ABCA13: variants seen among roughly 807,000 people sequenced by gnomAD.
ABCA13 encodes ATP-binding cassette sub-family A member 13.
Under a neutral mutation model 478.7 loss-of-function variants are expected in ABCA13, and 476 were observed. The ratio of observed to expected loss-of-function variants is 0.99; its 90% CI spans 0.92 to 1.07. ABCA13 has a LOEUF of 1.07. ABCA13 is among the 50% of genes least tolerant of loss of function. The pLI is 0.00. For missense variants in ABCA13, 6,060 were observed against 5,910.6 expected, an observed-to-expected ratio of 1.03 and a Z score of -0.83; for synonymous variants, 2,252 against 2,158.9, an observed-to-expected ratio of 1.04 and a Z score of -1.20.
chr7:48,515,173 G>A (rs1208570497), intron 51 of ABCA13, among the ~76,000 whole-genome samples: 1 of 152,148 alleles, frequency 6.6e-6, no homozygotes, highest in Non-Finnish European at 1.5e-5. Context: ...GCACTGAAGT[G>A]TTTCAGGTTA....
At chr7:48,411,672 G>A (rs1384135180) in intron 40 of ABCA13, among the ~76,000 whole-genome samples, 1 of 152,154 alleles carries the variant, frequency 6.6e-6, no homozygotes, top group Non-Finnish European at 1.5e-5. Context: ...GAATACAAGA[G>A]AGTAGTGAGG....
Position 48,245,631 on chromosome 7 carries a change from T to C in ABCA13, c.1491+19T>C, listed in dbSNP as rs1433177477. ...GAAACAGGTAAAGCACAACAAATAA[T>C]TATAAATAAGCATTTTTAATAAAAC... On this transcript the variant is annotated intron_variant, in intron 12 of 61. Transcript: ENST00000435803. The C allele has an allele frequency of 6.3e-7, 1 of 1,589,278 alleles. No homozygotes were observed. Among genetic ancestry groups the C allele is most frequent in the South Asian group, 1.2e-5 (1 of 86,182 alleles).
intron 15 of ABCA13, among the ~76,000 whole-genome samples, chr7:48,253,746 A>G (rs565475456): frequency 6.6e-5 from 10 of 152,292 alleles, no homozygotes; most frequent in Middle Eastern, 3.4e-3. Flanking sequence ...AGCTTCCCAG[A>G]GTGCTGGGAT....
At chr7:48,636,331 C>T (rs955473881) in intron 59 of ABCA13, among the ~76,000 whole-genome samples, 2 of 152,204 alleles carry the variant, frequency 1.3e-5, no homozygotes, top group Non-Finnish European at 2.9e-5. Context: ...CCAGTTAGTA[C>T]TTTCTATGTT....
intron 38 of ABCA13, among the ~76,000 whole-genome samples, chr7:48,394,292 T>G (rs1431164000): frequency 6.6e-6 from 1 of 152,208 alleles, no homozygotes; most frequent in Non-Finnish European, 1.5e-5. Flanking sequence ...CAGCCTCTCT[T>G]GCTTTACCTG....
At chr7:48,521,068 C>CACACATGCAT (rs1554550966) in intron 53 of ABCA13, among the ~76,000 whole-genome samples, 12,747 of 152,128 alleles carry the variant, frequency 0.084, 926 homozygotes, top group African/African-American at 0.2. Flanking sequence ...CATGCATGCA[C>CACACATGCAT]ACACATGCAT....
At chr7:48,215,755 T>C (rs1786360285) in intron 3 of ABCA13, among the ~76,000 whole-genome samples, 1 of 152,174 alleles carries the variant, frequency 6.6e-6, no homozygotes, top group Non-Finnish European at 1.5e-5. Flanking sequence ...TCTCATTTCC[T>C]CCCAATCTCC....
At chr7:48,403,655 G>T in intron 38 of ABCA13, 28 bp from the exon 39 acceptor site, 5 of 1,606,894 alleles carry the variant, frequency 3.1e-6, no homozygotes, top group Non-Finnish European at 4.3e-6. Flanking sequence ...TGTTCAGGGA[G>T]AAGAGTGATG....
chr7:48,522,912 G>A (rs1240636800), intron 53 of ABCA13, among the ~76,000 whole-genome samples: 1 of 149,966 alleles, frequency 6.7e-6, no homozygotes, highest in Non-Finnish European at 1.5e-5. Context: ...ACAACTTCCT[G>A]TTGGAGTGGG....
At chr7:48,192,750 C>G (rs561297817) in intron 1 of ABCA13, among the ~76,000 whole-genome samples, 59 of 152,118 alleles carry the variant, frequency 3.9e-4, no homozygotes, top group African/African-American at 1.3e-3. Flanking sequence ...GAAGCAAAAG[C>G]TGGGTCTGAT....
At chr7:48,620,018 A>G (rs751365913) in intron 59 of ABCA13, among the ~76,000 whole-genome samples, 1 of 152,214 alleles carries the variant, frequency 6.6e-6, no homozygotes, top group African/African-American at 2.4e-5. Flanking sequence ...CAGGAAGGAC[A>G]GGAAGTGAAG....
intron 24 of ABCA13, among the ~76,000 whole-genome samples, chr7:48,312,331 T>C (rs990257871): frequency 6.6e-6 from 1 of 152,276 alleles, no homozygotes; most frequent in Non-Finnish European, 1.5e-5. Context: ...TATCCATTCA[T>C]CCAACAAATA....
At chr7:48,220,198 T>A (rs1397143369) in intron 4 of ABCA13, among the ~76,000 whole-genome samples, 2 of 151,978 alleles carry the variant, frequency 1.3e-5, no homozygotes, top group Non-Finnish European at 1.5e-5. Flanking sequence ...AATGGAGAAG[T>A]TTGCACCTCA....
chr7:48,521,041 A>G (rs530791117), intron 53 of ABCA13, among the ~76,000 whole-genome samples: 1 of 143,004 alleles, frequency 7.0e-6, no homozygotes, highest in South Asian at 2.2e-4. Context: ...ATGTAGATAT[A>G]TAATGTGGTT....
At chr7:48,583,561 C>T (rs1788901068) in intron 56 of ABCA13, among the ~76,000 whole-genome samples, 1 of 152,186 alleles carries the variant, frequency 6.6e-6, no homozygotes, top group Non-Finnish European at 1.5e-5. Context: ...GGATTTCCAT[C>T]CCAGTGCATA....
chr7:48,178,353 G>C (rs949267519), intron 1 of ABCA13, among the ~76,000 whole-genome samples: 4 of 152,142 alleles, frequency 2.6e-5, no homozygotes, highest in African/African-American at 9.7e-5. Context: ...CATCTCTTTT[G>C]TCCTGCATCA....
chr7:48,570,735 T>A (rs1292179025), intron 55 of ABCA13, among the ~76,000 whole-genome samples: 2 of 152,172 alleles, frequency 1.3e-5, no homozygotes, highest in Non-Finnish European at 1.5e-5. Flanking sequence ...TATGAATTTG[T>A]TAAATGGTAG....
intron 7 of ABCA13, among the ~76,000 whole-genome samples, chr7:48,232,454 C>T (rs540106696): frequency 1.7e-3 from 253 of 152,106 alleles, no homozygotes; most frequent in Non-Finnish European, 3.1e-3. Context: ...AACTCTCCAG[C>T]GAGTCAAAGC....
intron 31 of ABCA13, among the ~76,000 whole-genome samples, chr7:48,360,732 A>G (rs1585006237): frequency 6.6e-6 from 1 of 152,028 alleles, no homozygotes; most frequent in African/African-American, 2.4e-5. Flanking sequence ...GCCAAGAGTT[A>G]GCCTGAAAGT....
Sources: gnomAD v4.1 joint callset for allele counts (sites outside exome capture counted in the v4.1 genomes callset) on GRCh38, gnomAD v4.1.1 for gene constraint, MANE v1.5 for transcripts, NCBI Gene and HGNC (gene_info 2026-07-23, HGNC 2026-07-21) for gene names.